Variants in SGSM1 observed in about 807,000 individuals in gnomAD.
The protein encoded by SGSM1 is RUN and TBC1 domain containing 2.
A neutral mutation model predicts 133.8 loss-of-function variants in SGSM1; 73 were observed. The ratio of observed to expected loss-of-function variants is 0.55; its 90% CI spans 0.45 to 0.66. The LOEUF (loss-of-function observed/expected upper bound fraction) is 0.66, where lower values mean the gene tolerates loss of function less well. Among genes scored for constraint, SGSM1 ranks in the 30% least tolerant of loss-of-function variants. SGSM1 has a pLI of 0.00. For synonymous variants in SGSM1, 563 were observed against 573.0 expected (o/e 0.98, Z 0.25); for missense variants, 1,213 against 1,448.1 (o/e 0.84, Z 2.64).
At chr22:24,897,844 A>G (rs1932959980) in intron 18 of SGSM1, 128 bp from the exon 19 acceptor site, 2 of 780,716 alleles carry the variant, frequency 2.6e-6, no homozygotes, top group Non-Finnish European at 4.2e-6. Flanking sequence ...CACTGACTGT[A>G]TGGTATTCCA....
chr22:24,816,248 A>C (rs1928067236), intron 2 of SGSM1, among the ~76,000 whole-genome samples: 1 of 152,140 alleles, frequency 6.6e-6, no homozygotes, highest in African/African-American at 2.4e-5. Flanking sequence ...GAGGCTAAGA[A>C]ACTGAACCAG....
At chr22:24,816,335 C>T (rs746745741) in intron 2 of SGSM1, among the ~76,000 whole-genome samples, 5 of 151,974 alleles carry the variant, frequency 3.3e-5, no homozygotes, top group Non-Finnish European at 5.9e-5. Flanking sequence ...TCGGATAAAC[C>T]CTGATAAAAC....
intron 21 of SGSM1, among the ~76,000 whole-genome samples, chr22:24,907,729 G>A (rs1018554748): frequency 6.6e-6 from 1 of 151,458 alleles, no homozygotes; most frequent in East Asian, 1.9e-4. Flanking sequence ...TCGAGACCAT[G>A]GTGAAACCCC....
At chr22:24,888,579 C>A (rs1464776955) in intron 16 of SGSM1, among the ~76,000 whole-genome samples, 1 of 151,990 alleles carries the variant, frequency 6.6e-6, no homozygotes, top group African/African-American at 2.4e-5. Context: ...ACCAGCCTGA[C>A]CAACATAGCA....
chr22:24,817,794 C>G (rs1458424463), intron 2 of SGSM1, among the ~76,000 whole-genome samples: 1 of 152,206 alleles, frequency 6.6e-6, no homozygotes, highest in Non-Finnish European at 1.5e-5. Flanking sequence ...CAGGAATTCT[C>G]TAGTGACTAG....
chr22:24,837,589 C>G (rs988654145), intron 2 of SGSM1, among the ~76,000 whole-genome samples: 5 of 108,218 alleles, frequency 4.6e-5, no homozygotes, highest in East Asian at 4.8e-4. Context: ...CCCCCCCCCC[C>G]CCTTTCCCAG....
chr22:24,821,093 A>G (rs541668000), intron 2 of SGSM1, among the ~76,000 whole-genome samples: 1 of 152,124 alleles, frequency 6.6e-6, no homozygotes, highest in African/African-American at 2.4e-5. Context: ...CTGGAGCGCA[A>G]TGGCGTGATC....
At chr22:24,874,915 G>C (rs941489738) in intron 12 of SGSM1, among the ~76,000 whole-genome samples, 2 of 152,250 alleles carry the variant, frequency 1.3e-5, no homozygotes, top group Non-Finnish European at 2.9e-5. Flanking sequence ...TTTTACAGGG[G>C]CTTACTGATC....
intron 1 of SGSM1, 46 bp from the exon 2 acceptor site, chr22:24,806,395 G>T: frequency 3.3e-6 from 5 of 1,511,860 alleles, no homozygotes; most frequent in East Asian, 2.8e-5. Context: ...CCCGGCCCCC[G>T]CACCCTCTCT....
intron 3 of SGSM1, among the ~76,000 whole-genome samples, chr22:24,847,045 T>C (rs539514902): frequency 6.6e-6 from 1 of 152,206 alleles, no homozygotes; most frequent in South Asian, 2.1e-4. Context: ...TTTCACTGTG[T>C]TAGCCAGGAT....
intron 5 of SGSM1, among the ~76,000 whole-genome samples, chr22:24,851,450 GAGAGAGAGA>G (rs1387033756): frequency 0.056 from 2,229 of 39,702 alleles, 44 homozygotes; most frequent in East Asian, 0.16. Context: ...GGGGTGGGGG[GAGAGAGAGA>G]GAGAGAGAGA....
intron 2 of SGSM1, among the ~76,000 whole-genome samples, chr22:24,830,000 C>T (rs929845029): frequency 1.3e-5 from 2 of 152,150 alleles, no homozygotes; most frequent in African/African-American, 2.4e-5. Context: ...TCCAGGGCTG[C>T]CTGGCCCTCT....
At chr22:24,854,748 C>CGAGGTTACAGT (rs1480119588) in intron 5 of SGSM1, among the ~76,000 whole-genome samples, 2 of 152,144 alleles carry the variant, frequency 1.3e-5, no homozygotes, top group East Asian at 3.9e-4. Context: ...CCCAGGAGTT[C>CGAGGTTACAGT]GAGGTTACAG....
intron 14 of SGSM1, among the ~76,000 whole-genome samples, chr22:24,883,002 A>G (rs28528802): frequency 0.038 from 5,654 of 150,418 alleles, 360 homozygotes; most frequent in African/African-American, 0.13. Flanking sequence ...GGTTCACGCC[A>G]TTCTCCTGCC....
rs773603642 is a variant in SGSM1, at chr22:24,850,273, C to T, written c.303-7C>T. The T allele has an allele frequency of 1.3e-5, 21 of 1,578,440 alleles. No homozygotes were observed. Among genetic ancestry groups the T allele is most frequent in the Non-Finnish European group, 1.6e-5 (19 of 1,162,036 alleles). On this transcript the variant is annotated splice_polypyrimidine_tract_variant and splice_region_variant and intron_variant, in intron 4 of 24. Coordinates refer to ENST00000400358, the MANE Select transcript of SGSM1 (RefSeq NM_001098497.3). ...GTATCTATTCCCGTCTTTTATTGGT[C>T]TTGAAGGAGAAACCAGATTCAAGGC...
chr22:24,856,444 C>T (rs1364210816), intron 8 of SGSM1, among the ~76,000 whole-genome samples: 1 of 152,206 alleles, frequency 6.6e-6, no homozygotes, highest in Admixed American at 6.5e-5. Context: ...ACTCAGTCAC[C>T]TTCTCTGCCC....
intron 2 of SGSM1, among the ~76,000 whole-genome samples, chr22:24,817,751 A>T (rs1928192436): frequency 6.6e-6 from 1 of 152,212 alleles, no homozygotes. Flanking sequence ...GGCTGGTGTA[A>T]CAAAGTACCG....
rs186961776 is a variant in SGSM1, at chr22:24,919,793, A to G, written c.3026-33A>G. On this transcript the variant is annotated intron_variant, in intron 23 of 24. Transcript: ENST00000400358. ...GGCAACACTGTGAGCCCCGTCACCAATTCTCTCCCCATGTGTGTTGGTGTC... is the reference window on the plus strand; with the variant it reads ...GGCAACACTGTGAGCCCCGTCACCAGTTCTCTCCCCATGTGTGTTGGTGTC... The G allele has an allele frequency of 3.2e-5, 52 of 1,612,352 alleles. No homozygotes were observed. In the East Asian group the frequency reaches 4.9e-4, roughly 15 times the overall value.
intron 24 of SGSM1, 142 bp from the exon 25 acceptor site, chr22:24,924,044 G>T (rs936301228): frequency 1.4e-6 from 1 of 696,746 alleles, no homozygotes; most frequent in East Asian, 2.7e-5. Context: ...AAGGTCCAGA[G>T]GTAGAGGCCT....
Sources: gnomAD v4.1 joint callset for allele counts (sites outside exome capture counted in the v4.1 genomes callset) on GRCh38, gnomAD v4.1.1 for gene constraint, MANE v1.5 for transcripts, NCBI Gene and HGNC (gene_info 2026-07-23, HGNC 2026-07-21) for gene names.